The following TIAM1 variants were observed in gnomAD, a reference collection of about 807,000 sequenced individuals.
TIAM1 encodes the protein rho guanine nucleotide exchange factor TIAM1.
TIAM1 carries 65 observed loss-of-function variants against 163.5 expected under a neutral mutation model. The observed-to-expected ratio is 0.40, with a 90% confidence interval of 0.33 to 0.49. The LOEUF is 0.49. TIAM1 is among the 20% of genes least tolerant of loss of function. The pLI is 0.77. For synonymous variants in TIAM1, 833 were observed against 810.1 expected, an observed-to-expected ratio of 1.03 and a Z score of -0.48; for missense variants, 1,789 against 2,044.7, an observed-to-expected ratio of 0.87 and a Z score of 2.41.
At chr21:31,350,610 C>G (rs377284793) in intron 2 of TIAM1, among the ~76,000 whole-genome samples, 110 of 152,176 alleles carry the variant, frequency 7.2e-4, no homozygotes, top group African/African-American at 2.6e-3. Context: ...GGCATCTCCC[C>G]GCATCTCTCT....
At chr21:31,485,482 G>C (rs1261173175) in intron 1 of TIAM1, among the ~76,000 whole-genome samples, 1 of 152,196 alleles carries the variant, frequency 6.6e-6, no homozygotes, top group Non-Finnish European at 1.5e-5. Context: ...TGTTGCCTGA[G>C]AGTGTGGAGA....
In TIAM1 at chr21:31,146,907, C is replaced by T. The variant is rs557234840; in HGVS notation, c.3463G>A (p.Val1155Ile). 2 of 1,613,948 alleles carry T rather than the reference C, an allele frequency of 1.2e-6. No homozygotes were observed. The highest frequency in any genetic ancestry group is 1.3e-5 in the African/African-American group (1 of 74,996). Residue 1155 changes from valine (V) to isoleucine (I), a missense_variant, in exon 20 of 28, where the codon GTC becomes ATC. This residue lies in a region of TIAM1 where 60 missense variants were observed against 132.6 expected (regional missense o/e 0.45). Coordinates refer to ENST00000541036, the MANE Select transcript of TIAM1 (RefSeq NM_001353694.2). ...FCASHTKVPK[V>I]LVKAKTDTAF... ...TCAGAGGCCTTACCTTTCACCAGGA[C>T]CTTGGGAACTTTTGTGTGGCTGGCG... is the stretch of plus-strand genomic sequence containing the variant.
chr21:31,274,619 T>A (rs2073207779), intron 3 of TIAM1, among the ~76,000 whole-genome samples: 1 of 152,170 alleles, frequency 6.6e-6, no homozygotes, highest in African/African-American at 2.4e-5. Flanking sequence ...AACTTCCACA[T>A]GAACAATGCC....
chr21:31,304,323 ATAAAAT>A (rs2074614435), intron 2 of TIAM1, among the ~76,000 whole-genome samples: 2 of 152,260 alleles, frequency 1.3e-5, no homozygotes, highest in African/African-American at 2.4e-5. Flanking sequence ...AAGGAAGAAA[ATAAAAT>A]TAAAAAGTAA....
intron 2 of TIAM1, chr21:31,453,284 A>C (rs2044944983): frequency 4.7e-6 from 1 of 210,852 alleles, no homozygotes; most frequent in Admixed American, 4.7e-5. Context: ...CAAAGAAAAA[A>C]GAAAAAAAGA....
intron 2 of TIAM1, among the ~76,000 whole-genome samples, chr21:31,435,205 T>C (rs2284512): frequency 0.044 from 6,703 of 152,292 alleles, 235 homozygotes; most frequent in East Asian, 0.14. Context: ...TCAGCCTTCA[T>C]GTCTTTAAAA....
intron 6 of TIAM1, among the ~76,000 whole-genome samples, chr21:31,228,238 A>AGGAG (rs1569068800): frequency 1.2e-3 from 59 of 48,270 alleles, no homozygotes; most frequent in East Asian, 0.01. Context: ...AAAAAAAAAA[A>AGGAG]AAAAAAAAAA....
At position 31,375,997 on chromosome 21, in the gene TIAM1, G is replaced by A. The variant is rs202143175; in HGVS notation, c.-368-36575C>T. On this transcript the variant is annotated intron_variant, in intron 2 of 28. Transcript: ENST00000286827. ...AGCTGAGATTGTGCCACTGCACTCC[G>A]GCCTAGGTGACACAGTGAGACTCCA... is the stretch of plus-strand genomic sequence containing the variant. 5.3e-5 allele frequency among the ~76,000 whole-genome samples: 8 copies of A among 151,796 alleles called. No homozygotes were observed. In the East Asian group the frequency reaches 1.2e-3, roughly 22 times the overall value.
intron 2 of TIAM1, among the ~76,000 whole-genome samples, chr21:31,436,741 T>C (rs554640102): frequency 6.6e-6 from 1 of 152,132 alleles, no homozygotes; most frequent in African/African-American, 2.4e-5. Context: ...GCAGATCGTC[T>C]GAGGTTAGGA....
At chr21:31,144,993 A>G (rs1181326817) in intron 20 of TIAM1, among the ~76,000 whole-genome samples, 1 of 152,204 alleles carries the variant, frequency 6.6e-6, no homozygotes, top group Non-Finnish European at 1.5e-5. Flanking sequence ...AATAACACAA[A>G]TTGCTCAAGG....
At chr21:31,205,308 C>A (rs1233427545) in intron 11 of TIAM1, among the ~76,000 whole-genome samples, 1 of 152,186 alleles carries the variant, frequency 6.6e-6, no homozygotes, top group South Asian at 2.1e-4. Flanking sequence ...AATGAAATTT[C>A]ATGGGTTCTT....
At chr21:31,421,138 AAAAAG>A (rs1219946461) in intron 2 of TIAM1, among the ~76,000 whole-genome samples, 4 of 151,272 alleles carry the variant, frequency 2.6e-5, no homozygotes, top group Non-Finnish European at 4.4e-5. Context: ...CTTAAAAAAA[AAAAAG>A]AAAAGAAAAG....
rs538283897 is a variant in TIAM1, at chr21:31,519,508, CAA to C, written c.-422+39417_-422+39418del. On this transcript the variant is annotated intron_variant, in intron 1 of 28. Transcript: ENST00000286827. ...TGAGCCACAGAGCGAGATTCTGTCT[CAA>C]AAAAAAAAAAAAAAAAAAAAATTAA... 2.9e-3 allele frequency among the ~76,000 whole-genome samples: 238 copies of C among 82,700 alleles called. 3 individuals are homozygous for C. Among genetic ancestry groups the C allele is most frequent in the East Asian group, 0.016 (44 of 2,766 alleles). The allele number at this position is 82,700 out of a possible 152,430, so 54.3% of individuals were successfully genotyped here. A position where few individuals can be genotyped will look rare whatever the true frequency, so the allele number is the denominator to read the frequency against.
At chr21:31,394,128 A>C (rs1031792549) in intron 2 of TIAM1, among the ~76,000 whole-genome samples, 5 of 152,242 alleles carry the variant, frequency 3.3e-5, no homozygotes, top group Admixed American at 1.3e-4. Flanking sequence ...GTGAAGGGAT[A>C]AATAATCAAT....
At chr21:31,260,642 C>T (rs914235968) in intron 4 of TIAM1, among the ~76,000 whole-genome samples, 1 of 130,414 alleles carries the variant, frequency 7.7e-6, no homozygotes, top group Non-Finnish European at 1.6e-5. Context: ...GGTTTGTTTG[C>T]AAAATAAATA....
chr21:31,511,868 T>G (rs1476355918), intron 1 of TIAM1, among the ~76,000 whole-genome samples: 1 of 152,152 alleles, frequency 6.6e-6, no homozygotes, highest in African/African-American at 2.4e-5. Context: ...CAACAAAATT[T>G]AATTTGAGAA....
intron 2 of TIAM1, among the ~76,000 whole-genome samples, chr21:31,317,809 G>A (rs548303940): frequency 1.3e-5 from 2 of 151,984 alleles, no homozygotes; most frequent in South Asian, 4.2e-4. Flanking sequence ...AAACAAACAA[G>A]AAAAACCCCA....
Position 31,252,264 on chromosome 21 carries a change from C to G in TIAM1, c.964-75G>C, listed in dbSNP as rs76015126. ...GAACCCAGGGTCACGTGGAGAAGAG[C>G]CCTGGGTCCAGCCAGGGCTCTGTAG... is the stretch of plus-strand genomic sequence containing the variant. On this transcript the variant is annotated intron_variant, in intron 4 of 27. Coordinates refer to ENST00000541036, the MANE Select transcript of TIAM1 (RefSeq NM_001353694.2). 1.6e-3 allele frequency: 2,354 copies of G among 1,493,086 alleles called. 44 individuals are homozygous for G. In the East Asian group the frequency reaches 0.04, roughly 25 times the overall value. The allele number at this position is 1,493,086 out of a possible 1,614,324, so 92.5% of individuals were successfully genotyped here.
chr21:31,138,500 T>C (rs370329625), intron 22 of TIAM1, among the ~76,000 whole-genome samples: 1 of 152,194 alleles, frequency 6.6e-6, no homozygotes, highest in African/African-American at 2.4e-5. Context: ...TACTTCACAT[T>C]GCCACTAAGA....
Sources: allele counts gnomAD v4.1 joint callset (sites outside exome capture counted in the v4.1 genomes callset), GRCh38; gene constraint gnomAD v4.1.1; regional missense constraint gnomAD v4.1.1; transcripts MANE v1.5; gene names NCBI Gene and HGNC (gene_info 2026-07-23, HGNC 2026-07-21).